The following CFAP95 variants were observed in gnomAD, a reference collection of about 807,000 sequenced individuals.
The protein encoded by CFAP95 is cilia- and flagella-associated protein 95.
the CFAP95 span, chr9:69,906,093 A>G: frequency 1.2e-6 from 2 of 1,612,796 alleles, no homozygotes; most frequent in Non-Finnish European, 1.7e-6. Context: ...GATGTAAAAC[A>G]GAAACTCTAT....
At chr9:69,874,964 A>G in the CFAP95 span, among the ~76,000 whole-genome samples, 1 of 152,160 alleles carries the variant, frequency 6.6e-6, no homozygotes, top group Non-Finnish European at 1.5e-5. Context: ...GTAAACCAGG[A>G]TACCTCTTCC....
the CFAP95 span, among the ~76,000 whole-genome samples, chr9:69,861,030 G>T: frequency 6.6e-6 from 1 of 152,150 alleles, no homozygotes; most frequent in South Asian, 2.1e-4. Context: ...TACAGTAAGT[G>T]CATAAACCAG....
chr9:69,858,287 G>T, the CFAP95 span: 1 of 337,652 alleles, frequency 3.0e-6, no homozygotes, highest in African/African-American at 2.1e-5. Context: ...GTGGACATAT[G>T]CAGAATGGTA....
chr9:69,829,303 A>G, the CFAP95 span, among the ~76,000 whole-genome samples: 5 of 152,172 alleles, frequency 3.3e-5, no homozygotes, highest in African/African-American at 1.2e-4. Context: ...TTTTTCTTCC[A>G]GTGCTGTTTT....
the CFAP95 span, among the ~76,000 whole-genome samples, chr9:69,841,210 A>C: frequency 7.4e-6 from 1 of 135,988 alleles, no homozygotes; most frequent in Admixed American, 7.5e-5. Context: ...CTGATTTAAA[A>C]GTAGTTATTT....
chr9:69,835,798 G>A, the CFAP95 span, among the ~76,000 whole-genome samples: 1 of 152,246 alleles, frequency 6.6e-6, no homozygotes, highest in Non-Finnish European at 1.5e-5. Flanking sequence ...AGGTGCGGCA[G>A]TGACAAAGAT....
At chr9:69,866,585 A>G in the CFAP95 span, among the ~76,000 whole-genome samples, 99 of 152,304 alleles carry the variant, frequency 6.5e-4, no homozygotes, top group Admixed American at 1.7e-3. Context: ...ATGCCTACCT[A>G]CACTGGTGAG....
the CFAP95 span, among the ~76,000 whole-genome samples, chr9:69,875,401 C>T: frequency 5.3e-5 from 8 of 152,164 alleles, no homozygotes; most frequent in South Asian, 1.7e-3. Flanking sequence ...TAATCTATAT[C>T]TCTTTATATT....
chr9:69,833,431 A>G, the CFAP95 span, among the ~76,000 whole-genome samples: 1 of 152,136 alleles, frequency 6.6e-6, no homozygotes, highest in African/African-American at 2.4e-5. Context: ...CAAACTCCTG[A>G]CCTCAAGCAA....
the CFAP95 span, among the ~76,000 whole-genome samples, chr9:69,852,337 C>T: frequency 2.0e-5 from 3 of 152,108 alleles, no homozygotes; most frequent in Non-Finnish European, 2.9e-5. Flanking sequence ...GCAGAACATG[C>T]AAATTATTTG....
At chr9:69,860,622 CTT>C in the CFAP95 span, among the ~76,000 whole-genome samples, 2 of 138,378 alleles carry the variant, frequency 1.4e-5, no homozygotes, top group Non-Finnish European at 3.1e-5. Flanking sequence ...TTTTTTTTAA[CTT>C]TTGGACCCTT....
At chr9:69,860,656 C>T in the CFAP95 span, among the ~76,000 whole-genome samples, 13 of 150,566 alleles carry the variant, frequency 8.6e-5, no homozygotes, top group Admixed American at 2.7e-4. Flanking sequence ...TAGCTTAAAA[C>T]GCAAACACAT....
the CFAP95 span, among the ~76,000 whole-genome samples, chr9:69,888,331 A>G: frequency 2.0e-5 from 3 of 152,154 alleles, no homozygotes; most frequent in African/African-American, 4.8e-5. Flanking sequence ...TAAGACATAG[A>G]AACAGCAAAT....
At chr9:69,841,163 A>ATT in the CFAP95 span, among the ~76,000 whole-genome samples, 1,021 of 13,954 alleles carry the variant, frequency 0.073, 62 homozygotes, top group Admixed American at 0.18. Flanking sequence ...TCCAAGCTGG[A>ATT]TTATATATAT....
the CFAP95 span, among the ~76,000 whole-genome samples, chr9:69,837,225 T>C: frequency 6.6e-6 from 1 of 152,232 alleles, no homozygotes; most frequent in Admixed American, 6.5e-5. Context: ...GCATGATTTA[T>C]AGTCCTTTGG....
At chr9:69,891,711 C>T in the CFAP95 span, among the ~76,000 whole-genome samples, 1 of 152,122 alleles carries the variant, frequency 6.6e-6, no homozygotes, top group African/African-American at 2.4e-5. Flanking sequence ...TTCTCATTTT[C>T]ATTTTGTAAA....
chr9:69,884,298 G>A, the CFAP95 span: 6 of 152,190 alleles, frequency 3.9e-5, no homozygotes, highest in Non-Finnish European at 8.8e-5. Flanking sequence ...TTTAGAGACA[G>A]GATCTCTCTC....
chr9:69,830,528 CA>C, the CFAP95 span, among the ~76,000 whole-genome samples: 1 of 152,142 alleles, frequency 6.6e-6, no homozygotes, highest in Non-Finnish European at 1.5e-5. Flanking sequence ...TGTATCTACT[CA>C]ATGCAATTTT....
At chr9:69,847,334 G>C in the CFAP95 span, among the ~76,000 whole-genome samples, 1 of 152,114 alleles carries the variant, frequency 6.6e-6, no homozygotes, top group African/African-American at 2.4e-5. Flanking sequence ...GATCCACATT[G>C]GATAAATGAG....
Sources: gnomAD v4.1 joint callset for allele counts (sites outside exome capture counted in the v4.1 genomes callset) on GRCh38, gnomAD v4.1.1 for gene constraint, MANE v1.5 for transcripts, NCBI Gene and HGNC (gene_info 2026-07-23, HGNC 2026-07-21) for gene names.